The following COL8A1 variants were observed in gnomAD, a reference collection of about 807,000 sequenced individuals.
The protein encoded by COL8A1 is collagen type VIII alpha 1 chain, also known as collagen alpha-1(VIII) chain.
COL8A1 carries 21 observed loss-of-function variants against 42.7 expected under a neutral mutation model. That is an observed-to-expected ratio of 0.49 (90% confidence interval 0.35 to 0.71). The LOEUF is 0.71. Among genes scored for constraint, COL8A1 ranks in the 30% least tolerant of loss-of-function variants. The pLI is 0.01. For missense variants in COL8A1, 788 were observed against 962.4 expected (o/e 0.82, Z 2.40); for synonymous variants, 367 against 369.1 (o/e 0.99, Z 0.06).
At chr3:99,786,314 G>A (rs1234330498) in intron 2 of COL8A1, among the ~76,000 whole-genome samples, 1 of 152,170 alleles carries the variant, frequency 6.6e-6, no homozygotes, top group African/African-American at 2.4e-5. Context: ...GATGGTATTA[G>A]GAGGTGGGGC....
chr3:99,656,926 T>C (rs1938040718), intron 1 of COL8A1, among the ~76,000 whole-genome samples: 1 of 152,230 alleles, frequency 6.6e-6, no homozygotes, highest in African/African-American at 2.4e-5. Context: ...ATTGAAGCCC[T>C]TTTGTGTTGT....
At chr3:99,742,156 TAA>T (rs1940916669) in intron 1 of COL8A1, among the ~76,000 whole-genome samples, 1 of 152,230 alleles carries the variant, frequency 6.6e-6, no homozygotes, top group Non-Finnish European at 1.5e-5. Context: ...CTTTAAGTAC[TAA>T]GTATTGTAGT....
intron 1 of COL8A1, among the ~76,000 whole-genome samples, chr3:99,709,446 T>G (rs1044288097): frequency 6.6e-6 from 1 of 152,154 alleles, no homozygotes; most frequent in African/African-American, 2.4e-5. Flanking sequence ...TACAGGGACA[T>G]AGTTGGGTTT....
chr3:99,685,384 T>A (rs1038515654), intron 1 of COL8A1: 1 of 152,048 alleles, frequency 6.6e-6, no homozygotes, highest in Non-Finnish European at 1.5e-5. Context: ...TACTGGATAG[T>A]AAAGTTAATA....
intron 2 of COL8A1, among the ~76,000 whole-genome samples, chr3:99,772,268 A>G (rs904931572): frequency 1.3e-5 from 2 of 152,238 alleles, no homozygotes. Context: ...AGGCAAAACT[A>G]TGGAGACAGT....
chr3:99,692,928 G>A (rs1422208103), intron 1 of COL8A1, among the ~76,000 whole-genome samples: 2 of 152,256 alleles, frequency 1.3e-5, no homozygotes, highest in African/African-American at 4.8e-5. Context: ...GGAGGCCAAG[G>A]CAGGCAGATC....
At chr3:99,712,181 C>A (rs1337066536) in intron 1 of COL8A1, among the ~76,000 whole-genome samples, 1 of 152,104 alleles carries the variant, frequency 6.6e-6, no homozygotes, top group African/African-American at 2.4e-5. Context: ...ATTATCCTCA[C>A]CAACAACCAT....
intron 1 of COL8A1, among the ~76,000 whole-genome samples, chr3:99,683,993 G>A (rs1938970796): frequency 2.6e-5 from 4 of 152,162 alleles, no homozygotes; most frequent in Admixed American, 2.6e-4. Flanking sequence ...GTTTTGTTCA[G>A]TTTTAGTGAA....
rs773847833 is a variant in COL8A1 at position 99,647,520 on chromosome 3, T to C, written c.-129+8856T>C. 2.0e-5 allele frequency among the ~76,000 whole-genome samples: 3 copies of C among 152,046 alleles called. No homozygotes were observed. In the East Asian group the frequency reaches 5.8e-4, roughly 29 times the overall value. ...CTCTCATATCTTCAACCTCCACTTC[T>C]ACCCAAAAAATCTTTAGAACACTGG... On this transcript the variant is annotated intron_variant, in intron 1 of 3. Transcript: ENST00000652472.
intron 2 of COL8A1, among the ~76,000 whole-genome samples, chr3:99,770,516 C>T (rs764964473): frequency 2.0e-5 from 3 of 152,156 alleles, no homozygotes; most frequent in Non-Finnish European, 4.4e-5. Flanking sequence ...AAATGTTGTG[C>T]TAAGCACTTA....
intron 1 of COL8A1, among the ~76,000 whole-genome samples, chr3:99,657,485 G>T (rs1286160506): frequency 6.6e-6 from 1 of 152,030 alleles, no homozygotes; most frequent in African/African-American, 2.4e-5. Context: ...CTGAGTAGCT[G>T]GTATAGCCTA....
At chr3:99,773,815 G>GTGTGTATATATATATATATATATAT (rs1403823634) in intron 2 of COL8A1, among the ~76,000 whole-genome samples, 1 of 35,900 alleles carries the variant, frequency 2.8e-5, no homozygotes, top group Non-Finnish European at 5.0e-5. Context: ...ATATATGTGT[G>GTGTGTATATATATATATATATATAT]TATATATATA....
intron 1 of COL8A1, among the ~76,000 whole-genome samples, chr3:99,650,751 T>A (rs547380521): frequency 6.6e-6 from 1 of 152,198 alleles, no homozygotes; most frequent in Non-Finnish European, 1.5e-5. Flanking sequence ...GGTACTGGAT[T>A]TTTTACATTT....
At chr3:99,771,829 G>A (rs1345182713) in intron 2 of COL8A1, among the ~76,000 whole-genome samples, 3 of 152,128 alleles carry the variant, frequency 2.0e-5, no homozygotes, top group African/African-American at 7.2e-5. Flanking sequence ...TGCCATATGG[G>A]GACATTAAGA....
intron 1 of COL8A1, among the ~76,000 whole-genome samples, chr3:99,723,003 T>TTGTGTGTGTGTG (rs34062497): frequency 0.011 from 1,591 of 147,168 alleles, 27 homozygotes; most frequent in African/African-American, 0.038. Context: ...GAGACCAAAG[T>TTGTGTGTGTGTG]TGTGTGTGTG....
chr3:99,773,833 ATATATTTTT>A (rs1330155712), intron 2 of COL8A1, among the ~76,000 whole-genome samples: 1 of 71,654 alleles, frequency 1.4e-5, no homozygotes, highest in African/African-American at 6.5e-5. Context: ...ATATATATAT[ATATATTTTT>A]TTTTTTTTTT....
intron 1 of COL8A1, among the ~76,000 whole-genome samples, chr3:99,719,689 G>A (rs1940094485): frequency 6.6e-6 from 1 of 152,102 alleles, no homozygotes; most frequent in African/African-American, 2.4e-5. Context: ...AACAATGTAT[G>A]GCAAATCCAG....
chr3:99,762,590 T>A (rs900656065), intron 2 of COL8A1, among the ~76,000 whole-genome samples: 2 of 152,146 alleles, frequency 1.3e-5, no homozygotes, highest in Non-Finnish European at 2.9e-5. Context: ...GCCATGCATG[T>A]GAACATCCCA....
At chr3:99,767,611 CT>C (rs1941488525) in intron 2 of COL8A1, among the ~76,000 whole-genome samples, 1 of 152,158 alleles carries the variant, frequency 6.6e-6, no homozygotes, top group East Asian at 1.9e-4. Context: ...AGGAGCATTT[CT>C]TTCATAAAGT....
Sources: gnomAD v4.1 joint callset for allele counts (sites outside exome capture counted in the v4.1 genomes callset) on GRCh38, gnomAD v4.1.1 for gene constraint, MANE v1.5 for transcripts, NCBI Gene and HGNC (gene_info 2026-07-23, HGNC 2026-07-21) for gene names.